DDX50: variants seen among roughly 807,000 people sequenced by gnomAD.
The protein encoded by DDX50 is DExD-box helicase 50.
A neutral mutation model predicts 94.8 loss-of-function variants in DDX50; 56 were observed. The observed-to-expected ratio is 0.59, with a 90% CI of 0.48 to 0.74. The LOEUF (loss-of-function observed/expected upper bound fraction) is 0.74. DDX50 is among the 30% of genes least tolerant of loss of function. The pLI, the probability that DDX50 is intolerant of heterozygous loss-of-function variation, is 0.00. For missense variants in DDX50, 713 were observed against 881.2 expected (o/e 0.81, Z 2.42); for synonymous variants, 264 against 295.4 (o/e 0.89, Z 1.09).
intron 2 of DDX50, among the ~76,000 whole-genome samples, chr10:68,909,644 G>A (rs2132024535): frequency 6.6e-6 from 1 of 152,168 alleles, no homozygotes. Context: ...GGAGGCCAAG[G>A]TAGGAGGATC....
chr10:68,903,688 C>T (rs1299058505), intron 1 of DDX50, among the ~76,000 whole-genome samples: 2 of 152,114 alleles, frequency 1.3e-5, no homozygotes, highest in East Asian at 3.9e-4. Context: ...GTAATCCCAG[C>T]TACTCAGGAG....
chr10:68,902,190 CAAAAAAAAAAA>C lies in DDX50; in HGVS notation c.87+730_87+740del, dbSNP rs35302047. Among the ~76,000 whole-genome samples the C allele has an allele frequency of 1.3e-4, 12 of 94,320 alleles. No homozygotes were observed. The Admixed American group carries it at 1.3e-3, about 10-fold the overall frequency. The allele number at this position is 94,320 out of a possible 152,430, so 61.9% of individuals were successfully genotyped here. ...TTCCTCCTCCCAGCCCCCTGCCCTC[CAAAAAAAAAAA>C]AAAAAAAAAAGGAAAAGAAAAAACA... On this transcript the variant is annotated intron_variant, in intron 1 of 14. Coordinates refer to ENST00000373585, the MANE Select transcript of DDX50 (RefSeq NM_024045.2).
At chr10:68,927,971 T>C (rs1589263137) in intron 8 of DDX50, among the ~76,000 whole-genome samples, 1 of 152,166 alleles carries the variant, frequency 6.6e-6, no homozygotes, top group Non-Finnish European at 1.5e-5. Flanking sequence ...TAATGAGCTA[T>C]GATTTTGCCA....
chr10:68,913,022 T>C, intron 4 of DDX50, 140 bp from the exon 5 acceptor site: 1 of 659,832 alleles, frequency 1.5e-6, no homozygotes, highest in East Asian at 2.8e-5. Flanking sequence ...TTCCTTTTGC[T>C]ATTTGTGATG....
At chr10:68,901,496 C>A in intron 1 of DDX50, 25 bp downstream of exon 1, 6 of 1,549,936 alleles carry the variant, frequency 3.9e-6, no homozygotes, top group Non-Finnish European at 5.2e-6. Context: ...GGCCGCGCCT[C>A]CTTTTGGGCT....
At chr10:68,903,439 G>C (rs541593163) in intron 1 of DDX50, among the ~76,000 whole-genome samples, 1 of 151,166 alleles carries the variant, frequency 6.6e-6, no homozygotes, top group Non-Finnish European at 1.5e-5. Context: ...AGGCTGAGGC[G>C]GGTGGATCGT....
At chr10:68,906,648 TTC>T in intron 1 of DDX50, 61 bp from the exon 2 acceptor site, 1 of 1,561,470 alleles carries the variant, frequency 6.4e-7, no homozygotes, top group South Asian at 1.2e-5. Flanking sequence ...ATGCTCTAAC[TTC>T]TCTAGAGTCT....
At chr10:68,910,950 C>A in intron 3 of DDX50, 118 bp from the exon 4 acceptor site, 1 of 710,130 alleles carries the variant, frequency 1.4e-6, no homozygotes, top group Non-Finnish European at 2.1e-6. Flanking sequence ...ATAACTGTGT[C>A]ACCAGGTGGC....
chr10:68,908,927 T>C (rs573025436), intron 2 of DDX50, among the ~76,000 whole-genome samples: 1 of 152,336 alleles, frequency 6.6e-6, no homozygotes, highest in African/African-American at 2.4e-5. Context: ...ATTACAGACA[T>C]AAACCACTGG....
chr10:68,901,705 C>T (rs561399202), intron 1 of DDX50, among the ~76,000 whole-genome samples: 1 of 152,320 alleles, frequency 6.6e-6, no homozygotes, highest in East Asian at 1.9e-4. Context: ...CCCCTCAGCC[C>T]TTCCCGTTGG....
At chr10:68,938,347 A>C (rs1842474357) in intron 12 of DDX50, among the ~76,000 whole-genome samples, 1 of 152,210 alleles carries the variant, frequency 6.6e-6, no homozygotes, top group African/African-American at 2.4e-5. Context: ...TCACATGTCA[A>C]AACATACCAC....
At chr10:68,921,509 T>G (rs1841939063) in intron 8 of DDX50, among the ~76,000 whole-genome samples, 1 of 151,498 alleles carries the variant, frequency 6.6e-6, no homozygotes, top group Non-Finnish European at 1.5e-5. Flanking sequence ...TGTTTGTTTG[T>G]TTAGGGCAGA....
chr10:68,914,178 A>G lies in DDX50; in HGVS notation c.1063A>G (p.Thr355Ala). The change falls in exon 7 of 15, where the codon ACT becomes GCT. Residue 355 changes from threonine (T) to alanine (A), a missense_variant. Coordinates refer to ENST00000373585, the MANE Select transcript of DDX50 (RefSeq NM_024045.2). ...YEQVDLVGKM[T>A]QKAATTVEHL... ...ACAGGTTGACCTTGTTGGAAAAATGACTCAAAAGGCTGCAACTACTGTGGA... is the reference window on the plus strand; with the variant it reads ...ACAGGTTGACCTTGTTGGAAAAATGGCTCAAAAGGCTGCAACTACTGTGGA... 1 of 1,611,026 alleles carries G rather than the reference A, an allele frequency of 6.2e-7. No individual in the cohort carries two copies. The highest frequency in any genetic ancestry group is 8.5e-7 in the Non-Finnish European group (1 of 1,179,140).
intron 5 of DDX50, 28 bp downstream of exon 5, chr10:68,913,307 A>G: frequency 6.2e-7 from 1 of 1,605,720 alleles, no homozygotes; most frequent in South Asian, 1.1e-5. Flanking sequence ...ATAGACGTGC[A>G]AAGGCATATT....
rs533970882 is a variant in DDX50, at chr10:68,913,335, T to A, written c.757+56T>A. On this transcript the variant is annotated intron_variant, in intron 5 of 14. Coordinates refer to ENST00000373585, the MANE Select transcript of DDX50 (RefSeq NM_024045.2). ...GGCATATTTGATACTCATATTTAAA[T>A]AAATAATGTGAAAGTTTGAATTTTA... The A allele has an allele frequency of 1.9e-6, 3 of 1,601,568 alleles. No homozygotes were observed. The African/African-American group carries it at 4.1e-5, about 22-fold the overall frequency.
chr10:68,914,985 TACTCCAGCCTGGGTG>T (rs761964547), intron 7 of DDX50, among the ~76,000 whole-genome samples: 13 of 144,910 alleles, frequency 9.0e-5, no homozygotes, highest in African/African-American at 1.6e-4. Flanking sequence ...TGCGCCACCG[TACTCCAGCCTGGGTG>T]ACAGAGGGAG....
At chr10:68,929,062 C>T (rs545790105) in intron 8 of DDX50, among the ~76,000 whole-genome samples, 8 of 152,188 alleles carry the variant, frequency 5.3e-5, no homozygotes, top group Non-Finnish European at 7.4e-5. Flanking sequence ...GATTCTCCTG[C>T]GTCAGCCTCC....
intron 8 of DDX50, among the ~76,000 whole-genome samples, chr10:68,927,099 A>T (rs527409683): frequency 6.6e-6 from 1 of 151,966 alleles, no homozygotes; most frequent in Non-Finnish European, 1.5e-5. Context: ...TTTTGTAGAG[A>T]CAGGGTCTCC....
chr10:68,946,491 G>A lies in DDX50; in HGVS notation c.2075G>A (p.Arg692Gln), dbSNP rs749153707. Residue 692 changes from arginine to glutamine, a missense_variant, in exon 15 of 15, where the codon CGG becomes CAG. Transcript: ENST00000373585. ...WSSGRSGRSG[R>Q]SGGRSGGRSG... ...AGTGGTCGATCAGGCCGGTCAGGCC[G>A]GTCAGGTGGTCGATCTGGCGGCCGG... 73 of 1,614,006 alleles carry A rather than the reference G, an allele frequency of 4.5e-5. No homozygotes were observed. The highest frequency in any genetic ancestry group is 3.8e-4 in the East Asian group (17 of 44,888).
Sources: allele counts gnomAD v4.1 joint callset (sites outside exome capture counted in the v4.1 genomes callset), GRCh38; gene constraint gnomAD v4.1.1; transcripts MANE v1.5; gene names NCBI Gene and HGNC (gene_info 2026-07-23, HGNC 2026-07-21).